The following HPD variants were observed in gnomAD, a reference collection of about 807,000 sequenced individuals.
HPD encodes the protein 4-hydroxyphenylpyruvic acid oxidase.
In HPD, 35 loss-of-function variants were observed where a neutral mutation model predicts 56.9. That is an observed-to-expected ratio of 0.62 (90% CI 0.47 to 0.82). The LOEUF (loss-of-function observed/expected upper bound fraction) is 0.82. HPD is among the 40% of genes least tolerant of loss of function. The pLI, the probability that HPD is intolerant of heterozygous loss-of-function variation, is 0.00. For missense variants in HPD, 442 were observed against 506.8 expected (o/e 0.87, Z 1.23); for synonymous variants, 186 against 200.2 (o/e 0.93, Z 0.60).
chr12:121,853,761 T>C (rs1027032773), intron 7 of HPD, among the ~76,000 whole-genome samples: 8 of 143,458 alleles, frequency 5.6e-5, no homozygotes, highest in Non-Finnish European at 1.2e-4. Context: ...CTGGCCAACA[T>C]GGCAAAACCC....
At chr12:121,852,093 C>G (rs1025355447) in intron 7 of HPD, among the ~76,000 whole-genome samples, 1 of 152,126 alleles carries the variant, frequency 6.6e-6, no homozygotes, top group Non-Finnish European at 1.5e-5. Flanking sequence ...GATAACAGCT[C>G]ACTGCAGCCT....
chr12:121,863,561 G>C (rs1179994996), upstream of HPD: 1 of 152,188 alleles, frequency 6.6e-6, no homozygotes, highest in Non-Finnish European at 1.5e-5. Flanking sequence ...AAATGCAACT[G>C]TCCCTCAAAA....
At chr12:121,879,322 G>C in the HPD span, among the ~76,000 whole-genome samples, 1 of 151,718 alleles carries the variant, frequency 6.6e-6, no homozygotes, top group Non-Finnish European at 1.5e-5. Flanking sequence ...AATACAACTT[G>C]GTTGGGGCGG....
upstream of HPD, among the ~76,000 whole-genome samples, chr12:121,865,719 G>C (rs1285298000): frequency 6.6e-6 from 1 of 151,926 alleles, no homozygotes. Context: ...GCTGGGTGTG[G>C]TGGCTCATGC....
the HPD span, among the ~76,000 whole-genome samples, chr12:121,878,206 T>G: frequency 1.3e-5 from 2 of 152,230 alleles, no homozygotes; most frequent in South Asian, 4.1e-4. Flanking sequence ...TAAATTTTTC[T>G]TTATGATTTT....
chr12:121,875,562 AT>A, the HPD span, among the ~76,000 whole-genome samples: 2 of 151,912 alleles, frequency 1.3e-5, no homozygotes, highest in African/African-American at 4.8e-5. Flanking sequence ...AGTAGCTGGA[AT>A]TATAGGTATG....
At chr12:121,853,715 G>A (rs1192813459) in intron 7 of HPD, among the ~76,000 whole-genome samples, 1 of 151,872 alleles carries the variant, frequency 6.6e-6, no homozygotes, top group African/African-American at 2.4e-5. Flanking sequence ...AGGCTGAGGC[G>A]GATGGATCAC....
At chr12:121,840,719 T>C (rs1400537431) in intron 12 of HPD, among the ~76,000 whole-genome samples, 1 of 151,866 alleles carries the variant, frequency 6.6e-6, no homozygotes, top group African/African-American at 2.4e-5. Flanking sequence ...TGGAAAACAG[T>C]CTGGCAGCTT....
Position 121,854,736 on chromosome 12 carries a change from C to T in HPD, c.381G>A (p.Lys127=), listed in dbSNP as rs777553334. 5.0e-6 allele frequency: 8 copies of T among 1,614,040 alleles called. No individual in the cohort carries two copies. In the Admixed American group the frequency reaches 8.3e-5, roughly 17 times the overall value. The part of the protein sequence containing the change: ...IMREPWVEQD[K]FGKVKFAVLQ... Reference sequence around the variant, plus strand: ...GCACAGCAAACTTCACCTTCCCAAACTTGTCTTGCTCTACCCAGGGCTCCC... The same window carrying T: ...GCACAGCAAACTTCACCTTCCCAAATTTGTCTTGCTCTACCCAGGGCTCCC... The change falls in exon 7 of 14, where the codon AAG becomes AAA. Residue 127 remains lysine, a synonymous_variant. Transcript: ENST00000289004.
the HPD span, among the ~76,000 whole-genome samples, chr12:121,872,553 A>G: frequency 6.6e-6 from 1 of 151,908 alleles, no homozygotes; most frequent in Non-Finnish European, 1.5e-5. Flanking sequence ...TCTCTCCAGC[A>G]TCCACTCCTG....
At chr12:121,873,907 C>T in the HPD span, among the ~76,000 whole-genome samples, 1 of 152,148 alleles carries the variant, frequency 6.6e-6, no homozygotes, top group South Asian at 2.1e-4. Flanking sequence ...CGCTTCTGTC[C>T]AGGAGTTCAA....
At chr12:121,848,788 T>C (rs1377060096) in intron 9 of HPD, among the ~76,000 whole-genome samples, 1 of 152,112 alleles carries the variant, frequency 6.6e-6, no homozygotes, top group South Asian at 2.1e-4. Context: ...ATATTTTTAG[T>C]AGAGACGGGG....
intron 7 of HPD, among the ~76,000 whole-genome samples, chr12:121,850,923 G>A (rs1592919828): frequency 6.7e-6 from 1 of 150,336 alleles, no homozygotes; most frequent in Non-Finnish European, 1.5e-5. Flanking sequence ...GAGTGCAATG[G>A]TGCGATCTTG....
At chr12:121,879,991 T>C in the HPD span, among the ~76,000 whole-genome samples, 1 of 151,586 alleles carries the variant, frequency 6.6e-6, no homozygotes, top group Admixed American at 6.6e-5. Context: ...CTACAAAAAT[T>C]TAAAAATTAG....
chr12:121,859,052 A>G, upstream of HPD: 1 of 591,716 alleles, frequency 1.7e-6, no homozygotes, highest in East Asian at 2.9e-5. Flanking sequence ...GACGTCCACT[A>G]GTCAGTGGGA....
At chr12:121,840,502 A>G (rs910310678) in intron 12 of HPD, among the ~76,000 whole-genome samples, 2 of 151,832 alleles carry the variant, frequency 1.3e-5, no homozygotes, top group Non-Finnish European at 1.5e-5. Flanking sequence ...GTTTCACGAT[A>G]TTGGTCAGGC....
At chr12:121,852,347 T>C (rs1877820101) in intron 7 of HPD, among the ~76,000 whole-genome samples, 1 of 151,932 alleles carries the variant, frequency 6.6e-6, no homozygotes, top group Non-Finnish European at 1.5e-5. Flanking sequence ...TATTTTTAAT[T>C]TTTGTAGAGA....
At chr12:121,868,520 CTTTTTTTTTTT>C (rs869188699), upstream of HPD, among the ~76,000 whole-genome samples, 1 of 12,558 alleles carries the variant, frequency 8.0e-5, no homozygotes, top group Non-Finnish European at 4.5e-4. Flanking sequence ...TTTCTTTTTT[CTTTTTTTTTTT>C]TTTTTTGAGA....
chr12:121,873,414 G>A, the HPD span, among the ~76,000 whole-genome samples: 46 of 152,344 alleles, frequency 3.0e-4, no homozygotes, highest in African/African-American at 1.1e-3. Context: ...CAGTGAGTCT[G>A]TCTCCAGGGC....
Sources: gnomAD v4.1 joint callset for allele counts (sites outside exome capture counted in the v4.1 genomes callset) on GRCh38, gnomAD v4.1.1 for gene constraint, MANE v1.5 for transcripts, NCBI Gene and HGNC (gene_info 2026-07-23, HGNC 2026-07-21) for gene names.